Variants in VAMP4 observed in about 807,000 individuals in gnomAD.
The protein encoded by VAMP4 is vesicle-associated membrane protein 4.
Under a neutral mutation model 23.5 loss-of-function variants are expected in VAMP4, and 19 were observed. The observed-to-expected ratio is 0.81, with a 90% CI of 0.56 to 1.19. VAMP4 has a LOEUF of 1.19. Among genes scored for constraint, VAMP4 ranks in the 50% most tolerant of loss-of-function variants. VAMP4 has a pLI of 0.00. For synonymous variants in VAMP4, 31 were observed against 51.0 expected (o/e 0.61, Z 1.67); for missense variants, 145 against 168.6 (o/e 0.86, Z 0.78).
At chr1:171,717,362 A>T (rs995541575) in intron 4 of VAMP4, among the ~76,000 whole-genome samples, 3 of 152,160 alleles carry the variant, frequency 2.0e-5, no homozygotes, top group African/African-American at 7.2e-5. Context: ...CTTGAACTAC[A>T]GCTAATTTGA....
At chr1:171,733,507 GATA>G (rs1288647378) in intron 2 of VAMP4, among the ~76,000 whole-genome samples, 1 of 151,908 alleles carries the variant, frequency 6.6e-6, no homozygotes, top group Non-Finnish European at 1.5e-5. Flanking sequence ...TGGTTTAGAG[GATA>G]ATGATACTAA....
chr1:171,735,861 G>A (rs1470779828), intron 2 of VAMP4, among the ~76,000 whole-genome samples: 1 of 151,926 alleles, frequency 6.6e-6, no homozygotes, highest in Admixed American at 6.6e-5. Context: ...TTAGTATTTC[G>A]CCAAACCTTC....
chr1:171,734,290 G>T (rs1051527015), intron 2 of VAMP4, among the ~76,000 whole-genome samples: 15 of 132,866 alleles, frequency 1.1e-4, no homozygotes, highest in African/African-American at 4.1e-4. Flanking sequence ...AAAAAAAAAT[G>T]AAGCACTGAT....
chr1:171,714,753 G>C (rs1015770378), intron 4 of VAMP4, among the ~76,000 whole-genome samples: 21 of 152,226 alleles, frequency 1.4e-4, no homozygotes, highest in Admixed American at 6.5e-4. Context: ...TGGGTGACAA[G>C]AGTGAGAACC....
chr1:171,739,147 T>TG (rs888519251), intron 1 of VAMP4, among the ~76,000 whole-genome samples: 102 of 152,324 alleles, frequency 6.7e-4, no homozygotes, highest in African/African-American at 2.2e-3. Context: ...AGATGGAGGC[T>TG]GGTCACAGAA....
At chr1:171,718,791 A>G (rs1655097779) in intron 4 of VAMP4, among the ~76,000 whole-genome samples, 2 of 152,212 alleles carry the variant, frequency 1.3e-5, no homozygotes, top group African/African-American at 4.8e-5. Flanking sequence ...TAATCAAGTC[A>G]TAAAAAAACC....
At position 171,735,333 on chromosome 1, in the gene VAMP4, T is replaced by C. The variant is rs200282810; in HGVS notation, c.66+3016A>G. Reference sequence around the variant, plus strand: ...TTAAAAATTATTAAATAATATACTCTTGCATACTATACATTGAATTTGGCT... The same window carrying C: ...TTAAAAATTATTAAATAATATACTCCTGCATACTATACATTGAATTTGGCT... On this transcript the variant is annotated intron_variant, in intron 2 of 7. Coordinates refer to ENST00000236192, the MANE Select transcript of VAMP4 (RefSeq NM_003762.5). 9.2e-5 allele frequency among the ~76,000 whole-genome samples: 14 copies of C among 152,354 alleles called. No individual in the cohort carries two copies. The East Asian group carries it at 2.5e-3, about 27-fold the overall frequency.
intron 3 of VAMP4, among the ~76,000 whole-genome samples, chr1:171,725,670 T>G (rs184311257): frequency 6.6e-6 from 1 of 152,266 alleles, no homozygotes; most frequent in Admixed American, 6.5e-5. Flanking sequence ...AAGCTCTTTC[T>G]TCACTGCTTC....
chr1:171,733,294 CAAAAAAAAAAAAAA>C (rs35176644), intron 2 of VAMP4, among the ~76,000 whole-genome samples: 1 of 58,114 alleles, frequency 1.7e-5, no homozygotes, highest in Non-Finnish European at 3.0e-5. Context: ...CCCATCTCTA[CAAAAAAAAAAAAAA>C]AAAAAAAAAA....
chr1:171,720,490 C>T (rs1284208234), intron 3 of VAMP4, among the ~76,000 whole-genome samples: 3 of 151,186 alleles, frequency 2.0e-5, no homozygotes, highest in African/African-American at 7.3e-5. Context: ...TCTAGCCAGA[C>T]TGATTAGGAA....
chr1:171,719,084 G>C (rs1250624360), intron 4 of VAMP4, 87 bp downstream of exon 4: 1 of 1,164,676 alleles, frequency 8.6e-7, no homozygotes, highest in Non-Finnish European at 1.2e-6. Flanking sequence ...ACAGGCTGCA[G>C]CCAGATTTGG....
intron 2 of VAMP4, among the ~76,000 whole-genome samples, chr1:171,731,611 G>A (rs1015695726): frequency 6.6e-6 from 1 of 152,134 alleles, no homozygotes; most frequent in Admixed American, 6.6e-5. Flanking sequence ...CATTGCTGCA[G>A]GACTAGATGG....
rs375022275 is a variant in VAMP4 at position 171,733,681 on chromosome 1, G to A, written c.66+4668C>T. On this transcript the variant is annotated intron_variant, in intron 2 of 7. Coordinates refer to ENST00000236192, the MANE Select transcript of VAMP4 (RefSeq NM_003762.5). ...ATACCCACTAGGCAGATAATATTAA[G>A]TGTTGGTGAGGATGTGGAGAAATTA... Among the ~76,000 whole-genome samples the A allele has an allele frequency of 7.2e-5, 11 of 152,300 alleles. 1 individual carries two copies. The highest frequency in any genetic ancestry group is 2.0e-4 in the Admixed American group (3 of 15,294).
chr1:171,716,789 G>A (rs1488360213), intron 4 of VAMP4, among the ~76,000 whole-genome samples: 1 of 152,178 alleles, frequency 6.6e-6, no homozygotes, highest in Non-Finnish European at 1.5e-5. Flanking sequence ...AAGTTGTGTG[G>A]CAAGTTGTGC....
At chr1:171,733,820 A>G (rs1477927178) in intron 2 of VAMP4, among the ~76,000 whole-genome samples, 1 of 152,222 alleles carries the variant, frequency 6.6e-6, no homozygotes, top group Non-Finnish European at 1.5e-5. Context: ...CAGCAATTCT[A>G]CCTTTAGGTA....
At chr1:171,711,112 A>G (rs1019898496) in intron 4 of VAMP4, among the ~76,000 whole-genome samples, 1 of 152,124 alleles carries the variant, frequency 6.6e-6, no homozygotes, top group African/African-American at 2.4e-5. Flanking sequence ...TTAAGTACAG[A>G]ATTTAGTTAA....
chr1:171,738,253 C>T (rs1397051800), intron 2 of VAMP4, 96 bp downstream of exon 2: 7 of 1,403,212 alleles, frequency 5.0e-6, no homozygotes, highest in South Asian at 3.9e-5. Context: ...CAGGCATGAG[C>T]AACCACGCCC....
intron 3 of VAMP4, among the ~76,000 whole-genome samples, chr1:171,726,332 G>A (rs1213396941): frequency 6.6e-6 from 1 of 152,252 alleles, no homozygotes; most frequent in East Asian, 1.9e-4. Context: ...TTACAGGCGT[G>A]AGCCACTGCA....
intron 2 of VAMP4, among the ~76,000 whole-genome samples, chr1:171,733,294 C>CA (rs35176644): frequency 0.093 from 5,391 of 58,068 alleles, 540 homozygotes; most frequent in East Asian, 0.24. Flanking sequence ...CCCATCTCTA[C>CA]AAAAAAAAAA....
Sources: gnomAD v4.1 joint callset for allele counts (sites outside exome capture counted in the v4.1 genomes callset) on GRCh38, gnomAD v4.1.1 for gene constraint, MANE v1.5 for transcripts, NCBI Gene and HGNC (gene_info 2026-07-23, HGNC 2026-07-21) for gene names.